Variants in KLHL14 observed in about 807,000 individuals in gnomAD.
The protein encoded by KLHL14 is kelch like family member 14.
In KLHL14, 22 loss-of-function variants were observed where a neutral mutation model predicts 64.3. The ratio of observed to expected loss-of-function variants is 0.34; its 90% CI spans 0.24 to 0.49. KLHL14 has a LOEUF of 0.49. KLHL14 is among the 20% of genes least tolerant of loss of function. The pLI is 0.99. For synonymous variants in KLHL14, 322 were observed against 333.4 expected (o/e 0.97, Z 0.37); for missense variants, 661 against 789.0 (o/e 0.84, Z 1.94).
chr18:32,754,579 G>A (rs2050272228), intron 2 of KLHL14, among the ~76,000 whole-genome samples: 1 of 152,226 alleles, frequency 6.6e-6, no homozygotes. Flanking sequence ...AGATGATGCT[G>A]AGAGGGACAA....
intron 2 of KLHL14, among the ~76,000 whole-genome samples, chr18:32,752,040 T>C (rs2050255676): frequency 6.6e-6 from 1 of 152,080 alleles, no homozygotes; most frequent in Non-Finnish European, 1.5e-5. Flanking sequence ...GGCGGGAGAA[T>C]CACTTGAACT....
chr18:32,745,451 G>A (rs528335543), intron 2 of KLHL14: 21 of 152,268 alleles, frequency 1.4e-4, no homozygotes, highest in African/African-American at 4.1e-4. Flanking sequence ...ACAGCTCAAC[G>A]TGGTAGGTAT....
rs570821814 is a variant in KLHL14 at position 32,680,416 on chromosome 18, G to A, written c.1422C>T (p.Tyr474=). ...HAGAVHNGKI[Y]ISGGVHNGEY... ...AGTGGAGGAATTACTTGCCTGAAAT[G>A]TATATTTTCCCATTGTGCACTGCTC... is the stretch of plus-strand genomic sequence containing the variant. Residue 474 remains tyrosine (Y), a synonymous_variant, in exon 6 of 9, where the codon TAC becomes TAT. Coordinates refer to ENST00000359358, the MANE Select transcript of KLHL14 (RefSeq NM_020805.3). The surrounding 1 kb of genome is among the most constrained non-coding windows in gnomAD (Gnocchi z 4.8). 1 of 1,613,936 alleles carries A rather than the reference G, an allele frequency of 6.2e-7. No individual in the cohort carries two copies. The highest frequency in any genetic ancestry group is 2.2e-5 in the East Asian group (1 of 44,874).
In KLHL14 at chr18:32,770,340, C is replaced by G; in HGVS notation, c.252G>C (p.Gln84His). The change falls in exon 2 of 9, where the codon CAG becomes CAC. Residue 84 changes from glutamine to histidine, a missense_variant. Gln to His is a conservative substitution (Grantham distance 24). This residue lies in a region of KLHL14 where 331 missense variants were observed against 339.0 expected (regional missense o/e 0.98). Coordinates refer to ENST00000359358, the MANE Select transcript of KLHL14 (RefSeq NM_020805.3). This position sits in a 1 kb window ranked among gnomAD's most constrained non-coding sequence, Gnocchi z 6.7. Reference sequence around the variant, plus strand: ...ACGGCTGCTGCTGCGGCGGCTGCTGCTGGTCCTTGGGGGCCCCCAGGCCGT... The same window carrying G: ...ACGGCTGCTGCTGCGGCGGCTGCTGGTGGTCCTTGGGGGCCCCCAGGCCGT... ...GQDGLGAPKD[Q>H]QQPPQQQPSQ... The G allele has an allele frequency of 1.3e-6, 2 of 1,584,810 alleles. No homozygotes were observed. The highest frequency in any genetic ancestry group is 1.7e-6 in the Non-Finnish European group (2 of 1,165,804).
chr18:32,729,378 G>A (rs1455690199), intron 3 of KLHL14, among the ~76,000 whole-genome samples: 1 of 152,136 alleles, frequency 6.6e-6, no homozygotes, highest in Non-Finnish European at 1.5e-5. Flanking sequence ...AGTTATACGA[G>A]CCATATTTAA....
At chr18:32,707,403 T>A (rs187167488) in intron 3 of KLHL14, among the ~76,000 whole-genome samples, 111 of 152,328 alleles carry the variant, frequency 7.3e-4, no homozygotes, top group African/African-American at 2.3e-3. Flanking sequence ...AGAGTTTACA[T>A]AGCAGGCCTA....
chr18:32,750,037 G>A (rs1399665153), intron 2 of KLHL14, among the ~76,000 whole-genome samples: 1 of 148,624 alleles, frequency 6.7e-6, no homozygotes, highest in African/African-American at 2.5e-5. Context: ...GGGGGGCAAT[G>A]AGAGAGAGAG....
chr18:32,733,835 G>A (rs1201699432), intron 3 of KLHL14: 2 of 253,410 alleles, frequency 7.9e-6, no homozygotes, highest in East Asian at 1.6e-4. Context: ...CCTTCATAAT[G>A]TCTATTTGGT....
chr18:32,772,995 C>T lies in KLHL14; in HGVS notation c.-372G>A, dbSNP rs1039795446. The T allele has an allele frequency of 9.5e-6, 2 of 210,632 alleles. No individual in the cohort carries two copies. The highest frequency in any genetic ancestry group is 5.4e-5 in the Admixed American group (1 of 18,428). 13.0% of individuals were successfully genotyped at this position (210,632 alleles called of 1,614,324 possible). On this transcript the variant is annotated 5_prime_UTR_variant, in exon 1 of 9. Coordinates refer to ENST00000359358, the MANE Select transcript of KLHL14 (RefSeq NM_020805.3). ...GAAACAACACATCATTATCCTTGGG[C>T]CTGGGGCTCAGTGAGTCGTAACGAG...
chr18:32,756,650 G>A (rs1413323915), intron 2 of KLHL14, among the ~76,000 whole-genome samples: 4 of 152,060 alleles, frequency 2.6e-5, no homozygotes, highest in Non-Finnish European at 5.9e-5. Flanking sequence ...CTTAACCCTG[G>A]AAAAATCCCA....
Position 32,770,534 on chromosome 18 carries a change from G to A in KLHL14, c.58C>T (p.Leu20=). The change falls in exon 2 of 9, where the codon CTG becomes TTG. Residue 20 remains leucine (L), a synonymous_variant. Coordinates refer to ENST00000359358, the MANE Select transcript of KLHL14 (RefSeq NM_020805.3). The surrounding 1 kb of genome is among the most constrained non-coding windows in gnomAD (Gnocchi z 6.7). ...CTCCACAGCAGGTTGAGGCCGTGCA[G>A]CAGGTTGTCGCTGTGGCTGGGGTCG... ...TFDPSHSDNL[L]HGLNLLWRKQ... The A allele has an allele frequency of 6.2e-7, 1 of 1,606,350 alleles. No individual in the cohort carries two copies. Among genetic ancestry groups the A allele is most frequent in the African/African-American group, 1.3e-5 (1 of 74,954 alleles).
chr18:32,696,769 T>C (rs559897333), intron 3 of KLHL14, among the ~76,000 whole-genome samples: 1 of 152,298 alleles, frequency 6.6e-6, no homozygotes, highest in Admixed American at 6.5e-5. Context: ...TTGTTTTTAT[T>C]ATCTTTTATT....
At chr18:32,689,267 T>A (rs374071453) in intron 4 of KLHL14, among the ~76,000 whole-genome samples, 2 of 152,026 alleles carry the variant, frequency 1.3e-5, no homozygotes, top group African/African-American at 4.8e-5. Flanking sequence ...TTGAGTGAAA[T>A]CATGTATGGA....
Position 32,730,879 on chromosome 18 carries a change from G to A in KLHL14, c.1069+11049C>T, listed in dbSNP as rs7236393. ...TAAGACTTAATGACCAAACAAGGCA[G>A]GTCGGTAGGATTAATAATTAGAACA... On this transcript the variant is annotated intron_variant, in intron 3 of 8. Transcript: ENST00000359358. 5.2e-3 allele frequency among the ~76,000 whole-genome samples: 790 copies of A among 152,272 alleles called. 10 individuals carry two copies. The highest frequency in any genetic ancestry group is 0.018 in the African/African-American group (761 of 41,558).
chr18:32,768,698 C>A (rs1289909857), intron 2 of KLHL14, among the ~76,000 whole-genome samples: 1 of 152,140 alleles, frequency 6.6e-6, no homozygotes, highest in South Asian at 2.1e-4. Flanking sequence ...CAATAAAACA[C>A]GATTGTCAAT....
intron 3 of KLHL14, among the ~76,000 whole-genome samples, chr18:32,720,834 C>A (rs12956427): frequency 0.25 from 38,369 of 151,962 alleles, 4,975 homozygotes; most frequent in Middle Eastern, 0.32. Context: ...TGTCTCTGGA[C>A]CAGAAGTCAT....
At position 32,770,882 on chromosome 18, in the gene KLHL14, C is replaced by A; in HGVS notation, c.-43-248G>T. The A allele has an allele frequency of 2.1e-6, 1 of 469,104 alleles. No individual in the cohort carries two copies. 29.1% of individuals were successfully genotyped at this position (469,104 alleles called of 1,614,324 possible). On this transcript the variant is annotated intron_variant, in intron 1 of 8. Transcript: ENST00000359358. The surrounding 1 kb of genome is among the most constrained non-coding windows in gnomAD (Gnocchi z 6.7). ...GGCGCCGGTTCTGCGCCCTGCGGCT[C>A]CTCTCGCCACCTCCCACACACTTCG...
chr18:32,769,947 C>T lies in KLHL14; in HGVS notation c.645G>A (p.Leu215=), dbSNP rs201863562. 1.7e-5 allele frequency: 27 copies of T among 1,614,202 alleles called. No individual in the cohort carries two copies. The highest frequency in any genetic ancestry group is 2.0e-5 in the Non-Finnish European group (24 of 1,180,046). The change falls in exon 2 of 9, where the codon CTG becomes CTA. Residue 215 remains leucine (L), a synonymous_variant. Coordinates refer to ENST00000359358, the MANE Select transcript of KLHL14 (RefSeq NM_020805.3). ...ANKYLVEDVL[L]LNFEEMRALL... is the part of the protein sequence containing the mutation. The stretch of plus-strand genomic sequence containing the variant: ...GGGCGCGCATCTCCTCGAAGTTGAG[C>T]AGCAGCACATCCTCCACCAGGTACT...
In KLHL14 at chr18:32,770,254, T is replaced by A; in HGVS notation, c.338A>T (p.Asp113Val). 1 of 1,596,310 alleles carries A rather than the reference T, an allele frequency of 6.3e-7. No homozygotes were observed. The highest frequency in any genetic ancestry group is 8.6e-7 in the Non-Finnish European group (1 of 1,169,330). The change falls in exon 2 of 9, where the codon GAC (aspartate) becomes GTC (valine). Residue 113 changes from aspartate (D) to valine (V), a missense_variant. Around this residue, in one of 2 missense-constraint regions of KLHL14, gnomAD observed 331 missense variants for 339.0 expected, o/e 0.98. Transcript: ENST00000359358. The surrounding 1 kb of genome is among the most constrained non-coding windows in gnomAD (Gnocchi z 6.7). ...GGCCCGGGGGCTGGTCAGCAGCTTG[T>A]CGTCGGGGGAGGAAGAAGGAGTCCC... Reference protein sequence around the residue: ...EPGTPSSSPDDKLLTSPRAIN... With the variant: ...EPGTPSSSPDVKLLTSPRAIN...
Sources: gnomAD v4.1 joint callset for allele counts (sites outside exome capture counted in the v4.1 genomes callset) on GRCh38, gnomAD v4.1.1 for gene constraint, gnomAD v4.1.1 regional missense constraint, Gnocchi (gnomAD v3.1) non-coding constraint, MANE v1.5 for transcripts, NCBI Gene and HGNC (gene_info 2026-07-23, HGNC 2026-07-21) for gene names.